Variants in C1orf159 observed in about 807,000 individuals in gnomAD.
C1orf159 encodes the protein chromosome 1 open reading frame 159, also known as uncharacterized protein C1orf159.
C1orf159 carries 19 observed loss-of-function variants against 25.6 expected under a neutral mutation model. That is an observed-to-expected ratio of 0.74 (90% confidence interval 0.52 to 1.09). The LOEUF (loss-of-function observed/expected upper bound fraction) is 1.09. Ranked by LOEUF, C1orf159 falls within the 50% of genes least tolerant of loss-of-function variation. The probability of loss-of-function intolerance (pLI) is 0.00; values close to 1 mark genes in which losing one functional copy is unlikely to be tolerated. For synonymous variants in C1orf159, 139 were observed against 124.7 expected (o/e 1.12, Z -0.77); for missense variants, 274 against 290.6 (o/e 0.94, Z 0.42).
intron 1 of C1orf159, among the ~76,000 whole-genome samples, chr1:1,100,623 T>A (rs1487597086): frequency 6.6e-6 from 1 of 152,172 alleles, no homozygotes; most frequent in African/African-American, 2.4e-5. Context: ...TTTTTACCGT[T>A]TATTATTTGT....
chr1:1,090,894 T>C (rs1645919826), intron 3 of C1orf159: 6 of 1,550,136 alleles, frequency 3.9e-6, no homozygotes, highest in Non-Finnish European at 5.2e-6. Flanking sequence ...TGAGGGCCCA[T>C]TCCCTGACCA....
At position 1,087,765 on chromosome 1, in the gene C1orf159, G is replaced by A. The variant is rs3737727; in HGVS notation, c.149-168C>T. The A allele has an allele frequency of 0.15, 92,619 of 612,626 alleles. 7,501 individuals are homozygous for A. Among genetic ancestry groups the A allele is most frequent in the Middle Eastern group, 0.19 (469 of 2,458 alleles). 37.9% of individuals were successfully genotyped at this position (612,626 alleles called of 1,614,324 possible). ...CAAGGACACCCCCAGGGAGCATGGC[G>A]GGGCCGTGAGCACCCCACGCTGAGT... On this transcript the variant is annotated intron_variant, in intron 4 of 9. Coordinates refer to ENST00000421241, the MANE Select transcript of C1orf159 (RefSeq NM_017891.5). This position sits in a 1 kb window ranked among gnomAD's most constrained non-coding sequence, Gnocchi z 8.3.
At chr1:1,115,871 G>A (rs1251753001) in intron 1 of C1orf159, among the ~76,000 whole-genome samples, 189 bp downstream of exon 1, 1 of 149,218 alleles carries the variant, frequency 6.7e-6, no homozygotes, top group Non-Finnish European at 1.5e-5. Flanking sequence ...CGACGAGGAC[G>A]CGGGCCCAGG....
Position 1,090,607 on chromosome 1 carries a change from T to C in C1orf159, c.73-179A>G, listed in dbSNP as rs556394149. The C allele has an allele frequency of 2.6e-4, 185 of 715,320 alleles. No individual in the cohort carries two copies. In the South Asian group the frequency reaches 3.1e-3, roughly 12 times the overall value. 44.3% of individuals were successfully genotyped at this position (715,320 alleles called of 1,614,324 possible). ...GTGGGCCTGGGAGCAAGGAGGGGCC[T>C]CACAGCCACAGTGCACATCCCTGTG... On this transcript the variant is annotated intron_variant, in intron 3 of 9. Coordinates refer to ENST00000421241, the MANE Select transcript of C1orf159 (RefSeq NM_017891.5).
At position 1,089,203 on chromosome 1, in the gene C1orf159, G is replaced by A. The variant is rs1645886133; in HGVS notation, c.148+1150C>T. On this transcript the variant is annotated intron_variant, in intron 4 of 9. Transcript: ENST00000421241. This position sits in a 1 kb window ranked among gnomAD's most constrained non-coding sequence, Gnocchi z 7.5. ...GGTCCCCACCCTGCGCCTGTGCATG[G>A]GGCCACCTCGGCCCTTGGACTTCAC... 1.3e-5 allele frequency among the ~76,000 whole-genome samples: 2 copies of A among 152,138 alleles called. No homozygotes were observed. The highest frequency in any genetic ancestry group is 4.8e-5 in the African/African-American group (2 of 41,430).
intron 9 of C1orf159, chr1:1,084,037 T>C (rs369872653): frequency 9.7e-5 from 156 of 1,607,926 alleles, no homozygotes; most frequent in Non-Finnish European, 9.9e-5. Flanking sequence ...GAGCAGGTAT[T>C]GGGGGTCTGC....
chr1:1,090,723 A>G (rs1645916661), intron 3 of C1orf159: 2 of 777,194 alleles, frequency 2.6e-6, no homozygotes, highest in Non-Finnish European at 4.4e-6. Flanking sequence ...TGGCAGCGCC[A>G]CCGACATTCT....
chr1:1,103,366 G>C (rs747584305), intron 1 of C1orf159, among the ~76,000 whole-genome samples: 2 of 152,102 alleles, frequency 1.3e-5, no homozygotes, highest in South Asian at 2.1e-4. Flanking sequence ...ACATTTTCCT[G>C]GCTCTTCATA....
At chr1:1,105,899 A>G (rs1446133447) in intron 1 of C1orf159, 1 of 151,918 alleles carries the variant, frequency 6.6e-6, no homozygotes, top group African/African-American at 2.4e-5. Context: ...AAATAAATAA[A>G]TAGATAGATA....
In C1orf159 at chr1:1,110,782, A is replaced by G. The variant is rs6670941; in HGVS notation, c.-136+5278T>C. Reference sequence around the variant, plus strand: ...CCCTCAGAGACGACGAGCACGCAACAGCGCATCCCACACCCACTCCTTGTG... The same window carrying G: ...CCCTCAGAGACGACGAGCACGCAACGGCGCATCCCACACCCACTCCTTGTG... On this transcript the variant is annotated intron_variant, in intron 1 of 9. Coordinates refer to ENST00000421241, the MANE Select transcript of C1orf159 (RefSeq NM_017891.5). The surrounding 1 kb of genome is among the most constrained non-coding windows in gnomAD (Gnocchi z 4.8). 0.061 allele frequency among the ~76,000 whole-genome samples: 9,253 copies of G among 152,266 alleles called. 519 individuals are homozygous for G. The highest frequency in any genetic ancestry group is 0.15 in the African/African-American group (6,345 of 41,522).
rs369943613 is a variant in C1orf159, at chr1:1,085,989, G to A, written c.334C>T (p.Leu112Phe). 6.2e-7 allele frequency: 1 copy of A among 1,613,138 alleles called. No individual in the cohort carries two copies. The highest frequency in any genetic ancestry group is 8.5e-7 in the Non-Finnish European group (1 of 1,179,816). The change falls in exon 7 of 10, where the codon CTC becomes TTC. Residue 112 changes from leucine (L) to phenylalanine (F), a missense_variant. Transcript: ENST00000421241. ...CTAATGAAGAACGTGCCCAGGAAGA[G>A]GGAGGCGGCCACGCGCGGAGCCCCT... Reference protein sequence around the residue: ...HPGAPRVAASLFLGTFFISSG... With the variant: ...HPGAPRVAASFFLGTFFISSG...
chr1:1,084,129 G>T, intron 9 of C1orf159: 1 of 1,558,352 alleles, frequency 6.4e-7, no homozygotes, highest in East Asian at 2.3e-5. Flanking sequence ...GGATTAAAGG[G>T]GGGCGGGCAG....
intron 1 of C1orf159, among the ~76,000 whole-genome samples, chr1:1,103,516 G>A (rs922161772): frequency 2.0e-5 from 3 of 152,180 alleles, no homozygotes; most frequent in Admixed American, 2.0e-4. Context: ...AACTGCAAAC[G>A]CTGTCACACC....
At position 1,110,492 on chromosome 1, in the gene C1orf159, G is replaced by A. The variant is rs779265515; in HGVS notation, c.-136+5568C>T. Among the ~76,000 whole-genome samples, 3 of 151,512 alleles carry A rather than the reference G, an allele frequency of 2.0e-5. No individual in the cohort carries two copies. The highest frequency in any genetic ancestry group is 2.1e-4 in the South Asian group (1 of 4,804). On this transcript the variant is annotated intron_variant, in intron 1 of 9. Transcript: ENST00000421241. This position sits in a 1 kb window ranked among gnomAD's most constrained non-coding sequence, Gnocchi z 4.8. ...AAAAAAATGGGCAAAAGACATCCTC[G>A]GACACTCAGAAAACGTGTGCGAATG...
chr1:1,092,345 G>A lies in C1orf159; in HGVS notation c.-135-242C>T, dbSNP rs948024955. 7.9e-5 allele frequency: 15 copies of A among 190,024 alleles called. 1 individual carries two copies. The highest frequency in any genetic ancestry group is 4.6e-4 in the South Asian group (6 of 13,140). 11.8% of individuals were successfully genotyped at this position (190,024 alleles called of 1,614,324 possible). A position where few individuals can be genotyped will look rare whatever the true frequency, so the allele number is the denominator to read the frequency against. On this transcript the variant is annotated intron_variant, in intron 1 of 9. Transcript: ENST00000421241. ...GGCCCTCGCTGGGATACGGGCCCTC[G>A]GCCCGGCCTTTGCTCAGGGACCAGG...
At chr1:1,102,391 T>C (rs1003051244) in intron 1 of C1orf159, among the ~76,000 whole-genome samples, 5 of 151,648 alleles carry the variant, frequency 3.3e-5, no homozygotes, top group Admixed American at 6.6e-5. Flanking sequence ...TTTTTTTTTT[T>C]CCAGCTTGGA....
intron 1 of C1orf159, among the ~76,000 whole-genome samples, chr1:1,097,410 T>TTC: frequency 6.6e-6 from 1 of 151,806 alleles, no homozygotes. Context: ...TGGCCTATCT[T>TTC]TCTATTTGTT....
intron 2 of C1orf159, 146 bp downstream of exon 2, chr1:1,091,845 A>C (rs1645944011): frequency 2.0e-6 from 1 of 488,268 alleles, no homozygotes; most frequent in African/African-American, 2.0e-5. Context: ...GCGGCAGATG[A>C]CTGAGTTAAA....
rs967494559 is a variant in C1orf159, at chr1:1,089,323, C to T, written c.148+1030G>A. On this transcript the variant is annotated intron_variant, in intron 4 of 9. Transcript: ENST00000421241. This position sits in a 1 kb window ranked among gnomAD's most constrained non-coding sequence, Gnocchi z 7.5. ...GGGGTACACAATCCCTCACAGGAGA[C>T]GCCACGGCCCCAGCACTCTTGCTGC... Among the ~76,000 whole-genome samples, 14 of 152,138 alleles carry T rather than the reference C, an allele frequency of 9.2e-5. No homozygotes were observed. The highest frequency in any genetic ancestry group is 2.6e-4 in the Admixed American group (4 of 15,280).
Sources: allele counts gnomAD v4.1 joint callset (sites outside exome capture counted in the v4.1 genomes callset), GRCh38; gene constraint gnomAD v4.1.1; non-coding constraint Gnocchi (gnomAD v3.1); transcripts MANE v1.5; gene names NCBI Gene and HGNC (gene_info 2026-07-23, HGNC 2026-07-21).